RBFOX1: variants seen among roughly 807,000 people sequenced by gnomAD.
The protein encoded by RBFOX1 is RNA binding fox-1 homolog 1.
Under a neutral mutation model 57.7 loss-of-function variants are expected in RBFOX1, and 8 were observed. That is an observed-to-expected ratio of 0.14 (90% confidence interval 0.08 to 0.25). The LOEUF (loss-of-function observed/expected upper bound fraction) is 0.25, where lower values mean the gene tolerates loss of function less well. Among genes scored for constraint, RBFOX1 ranks in the 10% least tolerant of loss-of-function variants. RBFOX1 has a pLI of 1.00. For missense variants in RBFOX1, 611 were observed against 548.5 expected (o/e 1.11, Z -1.14); for synonymous variants, 326 against 222.4 (o/e 1.47, Z -4.15).
At chr16:7,450,432 G>A (rs942966976) in intron 4 of RBFOX1, among the ~76,000 whole-genome samples, 2 of 141,228 alleles carry the variant, frequency 1.4e-5, no homozygotes, top group East Asian at 2.1e-4. Flanking sequence ...CTTACAGAAA[G>A]CAAGTTCAAA....
At chr16:6,476,385 G>C (rs907292603) in intron 2 of RBFOX1, among the ~76,000 whole-genome samples, 1 of 152,166 alleles carries the variant, frequency 6.6e-6, no homozygotes, top group African/African-American at 2.4e-5. Context: ...TGTAGGTTCA[G>C]TTACAAGCCA....
chr16:5,418,961 A>C (rs2067237064), intron 1 of RBFOX1, among the ~76,000 whole-genome samples: 1 of 152,152 alleles, frequency 6.6e-6, no homozygotes, highest in Non-Finnish European at 1.5e-5. Context: ...GAGAGTATCT[A>C]GTTGAGGCCT....
intron 14 of RBFOX1, among the ~76,000 whole-genome samples, chr16:7,695,410 T>C (rs1338724497): frequency 6.6e-6 from 1 of 152,076 alleles, no homozygotes. Flanking sequence ...AAAACCTGCT[T>C]TGGGAGGCCA....
rs144599861 is a variant in RBFOX1, at chr16:6,929,119, C to G, written c.-15-122938C>G. Reference sequence around the variant, plus strand: ...TTTAATTCACAGGCCCACATTGCAACTCTTCAATACTTTATTAAACACATC... The same window carrying G: ...TTTAATTCACAGGCCCACATTGCAAGTCTTCAATACTTTATTAAACACATC... On this transcript the variant is annotated intron_variant, in intron 3 of 15. Coordinates refer to ENST00000550418, the MANE Select transcript of RBFOX1 (RefSeq NM_018723.4). Among the ~76,000 whole-genome samples, 805 of 152,266 alleles carry G rather than the reference C, an allele frequency of 5.3e-3. 3 individuals carry two copies. The highest frequency in any genetic ancestry group is 0.018 in the African/African-American group (765 of 41,550).
At chr16:5,708,683 C>T (rs939880960) in intron 3 of RBFOX1, among the ~76,000 whole-genome samples, 5 of 152,164 alleles carry the variant, frequency 3.3e-5, no homozygotes, top group African/African-American at 2.4e-5. Flanking sequence ...ACACATGCCA[C>T]CTACCATTGG....
Position 7,710,844 on chromosome 16 carries a change from T to TAAA in RBFOX1, c.*111_*113dup, listed in dbSNP as rs5815427. ...CAGTAGTACATCATTTTAGCAACTCTAAAAAAAAAAAAAATACAAATAAAA... is the reference window on the plus strand; with the variant it reads ...CAGTAGTACATCATTTTAGCAACTCTAAAAAAAAAAAAAAAAATACAAATAAAA... On this transcript the variant is annotated 3_prime_UTR_variant, in exon 16 of 16. Coordinates refer to ENST00000550418, the MANE Select transcript of RBFOX1 (RefSeq NM_018723.4). 494 of 826,426 alleles carry TAAA rather than the reference T, an allele frequency of 6.0e-4. No individual in the cohort carries two copies. Among genetic ancestry groups the TAAA allele is most frequent in the Non-Finnish European group, 6.8e-4 (424 of 619,808 alleles). The allele number at this position is 826,426 out of a possible 1,614,324, so 51.2% of individuals were successfully genotyped here.
intron 3 of RBFOX1, among the ~76,000 whole-genome samples, chr16:6,763,652 C>T (rs1404831107): frequency 6.6e-6 from 1 of 152,178 alleles, no homozygotes; most frequent in East Asian, 1.9e-4. Flanking sequence ...CTCTGTTCTA[C>T]CTCCCAGCAA....
intron 3 of RBFOX1, among the ~76,000 whole-genome samples, chr16:6,946,606 G>A (rs575288402): frequency 6.6e-6 from 1 of 151,956 alleles, no homozygotes; most frequent in Admixed American, 6.6e-5. Context: ...ATTTTTTTGA[G>A]GGGGAAGGTA....
chr16:5,349,665 G>C (rs1198905308), intron 1 of RBFOX1, among the ~76,000 whole-genome samples: 1 of 151,956 alleles, frequency 6.6e-6, no homozygotes, highest in East Asian at 1.9e-4. Context: ...GAGCAAAACT[G>C]TGTCTGGGAA....
intron 2 of RBFOX1, among the ~76,000 whole-genome samples, chr16:6,601,987 G>A (rs761014432): frequency 1.3e-5 from 2 of 152,136 alleles, no homozygotes; most frequent in Non-Finnish European, 2.9e-5. Context: ...TCTCTTGTCA[G>A]GTAGGACAGG....
At chr16:6,826,176 C>T (rs569187286) in intron 3 of RBFOX1, among the ~76,000 whole-genome samples, 3 of 152,144 alleles carry the variant, frequency 2.0e-5, no homozygotes, top group East Asian at 1.9e-4. Context: ...GACTCATCGT[C>T]GCCACGTAGG....
intron 1 of RBFOX1, among the ~76,000 whole-genome samples, chr16:5,415,285 C>CACTTTTTA (rs2067132075): frequency 6.6e-6 from 1 of 152,120 alleles, no homozygotes; most frequent in African/African-American, 2.4e-5. Flanking sequence ...CAGGAGAGAG[C>CACTTTTTA]AAGAATGAGG....
chr16:5,868,721 G>A (rs1240431421), intron 4 of RBFOX1, among the ~76,000 whole-genome samples: 1 of 152,190 alleles, frequency 6.6e-6, no homozygotes, highest in South Asian at 2.1e-4. Context: ...AGCCCCCACT[G>A]TCACCTATGT....
At chr16:6,083,290 A>T (rs1441515403) in intron 1 of RBFOX1, among the ~76,000 whole-genome samples, 1 of 152,092 alleles carries the variant, frequency 6.6e-6, no homozygotes, top group Admixed American at 6.5e-5. Flanking sequence ...GGCGTGAGCT[A>T]TTGCTCCCAG....
At chr16:6,059,574 C>G (rs539225115) in intron 1 of RBFOX1, among the ~76,000 whole-genome samples, 6 of 151,816 alleles carry the variant, frequency 4.0e-5, no homozygotes, top group Non-Finnish European at 8.8e-5. Context: ...TCATTTTCGT[C>G]TATAGGGAGG....
chr16:5,792,808 A>G (rs1051623054), intron 3 of RBFOX1, among the ~76,000 whole-genome samples: 80 of 152,272 alleles, frequency 5.3e-4, no homozygotes, highest in Non-Finnish European at 2.6e-4. Flanking sequence ...GTGCCACTGC[A>G]CTCCAGCCTG....
intron 3 of RBFOX1, among the ~76,000 whole-genome samples, chr16:5,863,297 C>G (rs1003911073): frequency 2.0e-5 from 3 of 152,242 alleles, no homozygotes; most frequent in African/African-American, 7.2e-5. Flanking sequence ...GAGAGTCCTG[C>G]TGGAAGTTTC....
At chr16:6,626,511 G>T (rs2098310151) in intron 2 of RBFOX1, among the ~76,000 whole-genome samples, 1 of 152,224 alleles carries the variant, frequency 6.6e-6, no homozygotes, top group Non-Finnish European at 1.5e-5. Flanking sequence ...TGTAATCCCA[G>T]CACTTTGGGA....
intron 1 of RBFOX1, among the ~76,000 whole-genome samples, chr16:5,465,815 G>A (rs749920907): frequency 1.3e-5 from 2 of 152,240 alleles, no homozygotes; most frequent in East Asian, 3.8e-4. Context: ...CTCAGCAAGT[G>A]GAGTCCCGTG....
Sources: gnomAD v4.1 joint callset for allele counts (sites outside exome capture counted in the v4.1 genomes callset) on GRCh38, gnomAD v4.1.1 for gene constraint, MANE v1.5 for transcripts, NCBI Gene and HGNC (gene_info 2026-07-23, HGNC 2026-07-21) for gene names.